Variants in AGBL1 observed in about 807,000 individuals in gnomAD.
AGBL1 encodes the protein cytosolic carboxypeptidase 4.
Under a neutral mutation model 118.9 loss-of-function variants are expected in AGBL1, and 130 were observed. The ratio of observed to expected loss-of-function variants is 1.09; its 90% CI spans 0.95 to 1.26. The LOEUF is 1.26. Among genes scored for constraint, AGBL1 ranks in the 50% most tolerant of loss-of-function variants. The probability of loss-of-function intolerance (pLI) is 0.00; values close to 1 mark genes in which losing one functional copy is unlikely to be tolerated. For missense variants in AGBL1, 1,584 were observed against 1,298.1 expected (o/e 1.22, Z -3.38); for synonymous variants, 555 against 478.9 (o/e 1.16, Z -2.08).
At chr15:86,962,957 C>T (rs993961120) in intron 23 of AGBL1, among the ~76,000 whole-genome samples, 1 of 152,042 alleles carries the variant, frequency 6.6e-6, no homozygotes, top group Non-Finnish European at 1.5e-5. Flanking sequence ...AAAACACAAA[C>T]TAGAAACATG....
At chr15:86,161,561 C>G (rs573435374) in intron 5 of AGBL1, among the ~76,000 whole-genome samples, 1 of 152,282 alleles carries the variant, frequency 6.6e-6, no homozygotes, top group East Asian at 1.9e-4. Context: ...TTTCTACAAC[C>G]ATCATATGTA....
chr15:86,245,675 G>T (rs2078709017), intron 6 of AGBL1, among the ~76,000 whole-genome samples: 1 of 152,144 alleles, frequency 6.6e-6, no homozygotes, highest in Non-Finnish European at 1.5e-5. Flanking sequence ...TCCCAAACAG[G>T]AATATTGAAC....
intron 23 of AGBL1, among the ~76,000 whole-genome samples, chr15:86,973,011 A>AT (rs1323664782): frequency 1.3e-5 from 2 of 151,908 alleles, no homozygotes. Context: ...GACAAATTGG[A>AT]TTTTTGCAAC....
At chr15:86,721,034 G>A (rs1276851941) in intron 22 of AGBL1, among the ~76,000 whole-genome samples, 2 of 152,118 alleles carry the variant, frequency 1.3e-5, no homozygotes, top group African/African-American at 2.4e-5. Context: ...AAAAGTCCAG[G>A]ACCAGATGGA....
At chr15:86,438,983 C>T (rs1232263855) in intron 18 of AGBL1, among the ~76,000 whole-genome samples, 1 of 152,032 alleles carries the variant, frequency 6.6e-6, no homozygotes, top group Non-Finnish European at 1.5e-5. Context: ...TTTTATCTGG[C>T]ATCTCTCCCT....
At chr15:86,182,424 T>A (rs1006874196) in intron 5 of AGBL1, among the ~76,000 whole-genome samples, 1 of 152,220 alleles carries the variant, frequency 6.6e-6, no homozygotes, top group Non-Finnish European at 1.5e-5. Context: ...CCACAAAGTA[T>A]CTAACTATAT....
intron 22 of AGBL1, among the ~76,000 whole-genome samples, chr15:86,890,443 G>A (rs1331014841): frequency 2.0e-5 from 3 of 151,980 alleles, no homozygotes; most frequent in Non-Finnish European, 4.4e-5. Flanking sequence ...GTTGTTTTTG[G>A]TGTTTTTCTT....
chr15:86,948,446 G>T (rs75025493), intron 23 of AGBL1, among the ~76,000 whole-genome samples: 1 of 152,092 alleles, frequency 6.6e-6, no homozygotes, highest in Non-Finnish European at 1.5e-5. Flanking sequence ...TACTAATATC[G>T]AAGGAAAAAG....
intron 18 of AGBL1, among the ~76,000 whole-genome samples, chr15:86,511,492 A>G (rs889951271): frequency 7.9e-5 from 12 of 152,074 alleles, no homozygotes; most frequent in Non-Finnish European, 1.8e-4. Flanking sequence ...TGCTTCTTAT[A>G]AGTAACTGTC....
chr15:86,729,543 C>A (rs2077500981), intron 22 of AGBL1, among the ~76,000 whole-genome samples: 1 of 152,172 alleles, frequency 6.6e-6, no homozygotes, highest in South Asian at 2.1e-4. Context: ...GTTTTCTGTT[C>A]CTGTATTAAT....
At chr15:86,777,116 G>C (rs1315320055) in intron 22 of AGBL1, among the ~76,000 whole-genome samples, 1 of 151,942 alleles carries the variant, frequency 6.6e-6, no homozygotes, top group Non-Finnish European at 1.5e-5. Flanking sequence ...CATATGGACA[G>C]CCAATTAATG....
rs2082004164 is a variant in AGBL1, at chr15:86,436,670, GTAA to G, written c.2555+39130_2555+39132del. On this transcript the variant is annotated intron_variant, in intron 18 of 22. Transcript: ENST00000614907. ...TAAGTTAATGGGAAGACTTATATTA[GTAA>G]TAATATTTGTTGACAACCATGATTT... Among the ~76,000 whole-genome samples, 5 of 152,264 alleles carry G rather than the reference GTAA, an allele frequency of 3.3e-5. No individual in the cohort carries two copies. The South Asian group carries it at 6.2e-4, about 19-fold the overall frequency.
chr15:86,189,454 G>A (rs982475474), intron 5 of AGBL1, among the ~76,000 whole-genome samples: 5 of 152,104 alleles, frequency 3.3e-5, no homozygotes, highest in South Asian at 2.1e-4. Context: ...TGTTGAAATC[G>A]GATCCCCAGT....
intron 22 of AGBL1, among the ~76,000 whole-genome samples, chr15:86,865,857 A>G (rs975684872): frequency 9.2e-5 from 14 of 152,214 alleles, no homozygotes; most frequent in African/African-American, 3.1e-4. Flanking sequence ...GAGTAGCTTT[A>G]ACTCCCTGTG....
At chr15:86,093,855 G>T (rs1896186688) in intron 1 of AGBL1, among the ~76,000 whole-genome samples, 1 of 152,134 alleles carries the variant, frequency 6.6e-6, no homozygotes, top group Non-Finnish European at 1.5e-5. Flanking sequence ...TATTTAAAGA[G>T]ACAATGAGAG....
chr15:86,317,606 CA>C (rs1156461522), intron 17 of AGBL1, among the ~76,000 whole-genome samples: 8 of 152,158 alleles, frequency 5.3e-5, no homozygotes, highest in African/African-American at 1.9e-4. Context: ...TGAAGCAAGT[CA>C]CAGACTAGCT....
At chr15:86,845,301 T>C (rs942361806) in intron 22 of AGBL1, among the ~76,000 whole-genome samples, 4 of 152,116 alleles carry the variant, frequency 2.6e-5, no homozygotes, top group African/African-American at 9.7e-5. Context: ...TTAATTTTGT[T>C]AAATCCTTTT....
chr15:86,758,779 C>G (rs1336192353), intron 22 of AGBL1, among the ~76,000 whole-genome samples: 1 of 151,536 alleles, frequency 6.6e-6, no homozygotes, highest in African/African-American at 2.4e-5. Flanking sequence ...TGAGACTAGC[C>G]TGGGCAACAT....
chr15:86,635,280 TTCCCCTCCCCCTCCCCCTCCC>T (rs2085059056), intron 21 of AGBL1, among the ~76,000 whole-genome samples: 1 of 49,752 alleles, frequency 2.0e-5, no homozygotes, highest in African/African-American at 9.9e-5. Flanking sequence ...CTCCTCCTCC[TTCCCCTCCCCCTCCCCCTCCC>T]CTCCTCCTCC....
Sources: gnomAD v4.1 joint callset for allele counts (sites outside exome capture counted in the v4.1 genomes callset) on GRCh38, gnomAD v4.1.1 for gene constraint, MANE v1.5 for transcripts, NCBI Gene and HGNC (gene_info 2026-07-23, HGNC 2026-07-21) for gene names.